The following TMEM131 variants were observed in gnomAD, a reference collection of about 807,000 sequenced individuals.
TMEM131 encodes the protein 2610524E03Rik.
A neutral mutation model predicts 211.6 loss-of-function variants in TMEM131; 66 were observed. The observed-to-expected ratio is 0.31, with a 90% CI of 0.26 to 0.38. TMEM131 has a LOEUF of 0.38. Ranked by LOEUF, TMEM131 falls within the 10% of genes least tolerant of loss-of-function variation. The pLI is 1.00. For synonymous variants in TMEM131, 844 were observed against 841.3 expected (o/e 1.00, Z -0.06); for missense variants, 2,036 against 2,299.3 (o/e 0.89, Z 2.34).
intron 3 of TMEM131, among the ~76,000 whole-genome samples, chr2:97,902,962 G>A (rs138316830): frequency 9.9e-5 from 15 of 152,126 alleles, no homozygotes; most frequent in African/African-American, 1.7e-4. Flanking sequence ...GCTTGCAGAC[G>A]GCCTATTGTG....
At chr2:97,809,856 T>C in intron 18 of TMEM131, 82 bp from the exon 19 acceptor site, 2 of 1,156,710 alleles carry the variant, frequency 1.7e-6, no homozygotes, top group African/African-American at 1.5e-5. Context: ...ATTTTGGGGT[T>C]AACCTAATTT....
At chr2:97,804,978 T>G in intron 22 of TMEM131, 110 bp downstream of exon 22, 1 of 747,128 alleles carries the variant, frequency 1.3e-6, no homozygotes, top group African/African-American at 1.8e-5. Flanking sequence ...AGGCATTCTT[T>G]CTTAGCTATA....
chr2:97,902,619 G>C (rs1250783506), intron 3 of TMEM131, among the ~76,000 whole-genome samples: 1 of 152,140 alleles, frequency 6.6e-6, no homozygotes, highest in Non-Finnish European at 1.5e-5. Flanking sequence ...CACTAATAAT[G>C]ACACCACTTG....
At chr2:97,770,715 G>A (rs6721323) in intron 33 of TMEM131, among the ~76,000 whole-genome samples, 55,692 of 152,082 alleles carry the variant, frequency 0.37, 11,220 homozygotes, top group Middle Eastern at 0.55. Context: ...ACAATACTAA[G>A]CTCAGGCCTG....
intron 1 of TMEM131, among the ~76,000 whole-genome samples, chr2:97,980,900 A>T (rs1029251450): frequency 8.6e-5 from 13 of 151,978 alleles, no homozygotes; most frequent in Non-Finnish European, 1.2e-4. Context: ...TCAGTGGTTG[A>T]CAAGAGTCAG....
chr2:97,947,465 G>T (rs893975556), intron 1 of TMEM131, among the ~76,000 whole-genome samples: 2 of 151,780 alleles, frequency 1.3e-5, no homozygotes, highest in African/African-American at 4.8e-5. Context: ...TAACAGCAAG[G>T]AACAACTGGA....
chr2:97,805,200 G>GTGCAGGCTGCAC lies in TMEM131; in HGVS notation c.2289_2290insGTGCAGCCTGCA (p.Glu763_Pro764insValGlnProAla). The stretch of plus-strand genomic sequence containing the variant: ...ATGGCTACACCAGGCTGCACTTTGG[G>GTGCAGGCTGCAC]TTCAGCTAAAACAAGGAAACATACT... On this transcript the variant is annotated inframe_insertion, in exon 22 of 41. Coordinates refer to ENST00000186436, the MANE Select transcript of TMEM131 (RefSeq NM_015348.2). 1 of 1,611,470 alleles carries GTGCAGGCTGCAC rather than the reference G, an allele frequency of 6.2e-7. No homozygotes were observed. Among genetic ancestry groups the GTGCAGGCTGCAC allele is most frequent in the African/African-American group, 1.3e-5 (1 of 74,822 alleles).
At chr2:97,800,593 T>TAAAAAA (rs1476698416) in intron 25 of TMEM131, among the ~76,000 whole-genome samples, 1 of 25,356 alleles carries the variant, frequency 3.9e-5, no homozygotes, top group African/African-American at 3.3e-4. Context: ...CTACTAAAAA[T>TAAAAAA]ACAAAAAAAA....
At chr2:97,908,756 C>A in intron 2 of TMEM131, 58 bp from the exon 3 acceptor site, 1 of 1,372,700 alleles carries the variant, frequency 7.3e-7, no homozygotes, top group Non-Finnish European at 1.0e-6. Context: ...ATATTACAGA[C>A]ATATGGAATA....
intron 12 of TMEM131, 126 bp from the exon 13 acceptor site, chr2:97,815,433 CT>C: frequency 3.8e-6 from 2 of 523,914 alleles, no homozygotes; most frequent in Non-Finnish European, 6.6e-6. Context: ...CAACAGAACA[CT>C]TTTTATAACA....
chr2:97,938,245 A>C (rs1322496229), intron 1 of TMEM131, among the ~76,000 whole-genome samples: 1 of 152,212 alleles, frequency 6.6e-6, no homozygotes, highest in Non-Finnish European at 1.5e-5. Flanking sequence ...AATTGGATAA[A>C]GAGTCAAGAC....
Position 97,936,675 on chromosome 2 carries a change from AAAC to A in TMEM131, c.188-9191_188-9189del, listed in dbSNP as rs533150167. 1.7e-4 allele frequency among the ~76,000 whole-genome samples: 26 copies of A among 152,328 alleles called. No homozygotes were observed. The East Asian group carries it at 4.2e-3, about 25-fold the overall frequency. On this transcript the variant is annotated intron_variant, in intron 1 of 40. Coordinates refer to ENST00000186436, the MANE Select transcript of TMEM131 (RefSeq NM_015348.2). Reference sequence around the variant, plus strand: ...AAAGCCACTAAACAAACAGCAACAAAAACAACAACAAACCTTAGGGAGGGGAAA... The same window carrying A: ...AAAGCCACTAAACAAACAGCAACAAAAACAACAAACCTTAGGGAGGGGAAA...
chr2:97,832,022 A>AAAAAAAC (rs1682722699), intron 11 of TMEM131, among the ~76,000 whole-genome samples: 1 of 150,492 alleles, frequency 6.6e-6, no homozygotes, highest in South Asian at 2.1e-4. Context: ...AAAAAAAAAA[A>AAAAAAAC]AAAAGCAGCT....
At chr2:97,939,224 A>T (rs1172950328) in intron 1 of TMEM131, among the ~76,000 whole-genome samples, 2 of 152,238 alleles carry the variant, frequency 1.3e-5, no homozygotes, top group Admixed American at 1.3e-4. Context: ...CCTTCAAAAA[A>T]TCAATGAATC....
chr2:97,772,450 TGAG>T, intron 32 of TMEM131, 26 bp from the exon 33 acceptor site: 1 of 1,598,586 alleles, frequency 6.3e-7, no homozygotes, highest in Admixed American at 1.8e-5. Flanking sequence ...ACTTAATTGC[TGAG>T]AAGGATTAAT....
At chr2:97,957,722 A>G (rs116180658) in intron 1 of TMEM131, among the ~76,000 whole-genome samples, 4,188 of 152,374 alleles carry the variant, frequency 0.027, 67 homozygotes, top group Middle Eastern at 0.065. Flanking sequence ...CATGCGGGAA[A>G]GCTTATACCT....
chr2:97,785,555 A>G (rs1211077067), intron 31 of TMEM131, among the ~76,000 whole-genome samples: 2 of 152,244 alleles, frequency 1.3e-5, no homozygotes, highest in Non-Finnish European at 2.9e-5. Flanking sequence ...GATCACTCCT[A>G]CGTTGCTGGT....
chr2:97,872,509 G>A (rs943354228), intron 4 of TMEM131, among the ~76,000 whole-genome samples: 2 of 152,116 alleles, frequency 1.3e-5, no homozygotes, highest in Non-Finnish European at 2.9e-5. Flanking sequence ...TCCAGTCTGC[G>A]GCTCCCAGCG....
Position 97,766,280 on chromosome 2 carries a change from A to G in TMEM131, c.4574-17T>C. The G allele has an allele frequency of 1.2e-6, 2 of 1,613,958 alleles. No homozygotes were observed. On this transcript the variant is annotated splice_polypyrimidine_tract_variant and intron_variant, in intron 34 of 40. Coordinates refer to ENST00000186436, the MANE Select transcript of TMEM131 (RefSeq NM_015348.2). ...TACTTGTACCTGCACAAAAATCAGA[A>G]AAGAACATGGTTAATGGAGAATCAT...
Sources: allele counts gnomAD v4.1 joint callset (sites outside exome capture counted in the v4.1 genomes callset), GRCh38; gene constraint gnomAD v4.1.1; transcripts MANE v1.5; gene names NCBI Gene and HGNC (gene_info 2026-07-23, HGNC 2026-07-21).